KDM2A: variants seen among roughly 807,000 people sequenced by gnomAD.
The protein encoded by KDM2A is lysine-specific demethylase 2A.
A neutral mutation model predicts 137.3 loss-of-function variants in KDM2A; 3 were observed. The observed-to-expected ratio is 0.02, with a 90% CI of 0.01 to 0.06. The LOEUF (loss-of-function observed/expected upper bound fraction) is 0.06, where lower values mean the gene tolerates loss of function less well. KDM2A is among the 10% of genes least tolerant of loss of function. The pLI is 1.00. For missense variants in KDM2A, 738 were observed against 1,510.6 expected, an observed-to-expected ratio of 0.49 and a Z score of 8.48; for synonymous variants, 512 against 541.5, an observed-to-expected ratio of 0.95 and a Z score of 0.76.
chr11:67,199,301 AG>A, intron 5 of KDM2A, among the ~76,000 whole-genome samples: 1 of 152,348 alleles, frequency 6.6e-6, no homozygotes, highest in South Asian at 2.1e-4. Flanking sequence ...TTCAAGTGAA[AG>A]GAAGAGTCCC....
At chr11:67,213,251 T>C (rs1858048580) in intron 6 of KDM2A, among the ~76,000 whole-genome samples, 1 of 152,202 alleles carries the variant, frequency 6.6e-6, no homozygotes, top group Admixed American at 6.5e-5. Context: ...TAGATGTTGT[T>C]ACAAAGCTTA....
intron 2 of KDM2A, among the ~76,000 whole-genome samples, chr11:67,173,892 T>A (rs76284062): frequency 2.6e-5 from 4 of 151,856 alleles, no homozygotes; most frequent in Middle Eastern, 3.4e-3. Flanking sequence ...TTTTTTTTTT[T>A]TATAAGATAG....
chr11:67,209,029 C>T (rs1435318975), intron 6 of KDM2A, among the ~76,000 whole-genome samples: 36 of 151,476 alleles, frequency 2.4e-4, no homozygotes, highest in Admixed American at 2.4e-3. Context: ...TCTGCCTCCC[C>T]GGTTCAAGCA....
intron 12 of KDM2A, among the ~76,000 whole-genome samples, chr11:67,241,510 C>G (rs1407601898): frequency 6.6e-6 from 1 of 152,084 alleles, no homozygotes; most frequent in Non-Finnish European, 1.5e-5. Flanking sequence ...CATAAAAGTC[C>G]TGGTCTCCGG....
chr11:67,220,994 G>A (rs955790042), intron 10 of KDM2A, among the ~76,000 whole-genome samples: 69 of 147,560 alleles, frequency 4.7e-4, no homozygotes, highest in Non-Finnish European at 8.1e-4. Context: ...CTATTAATAC[G>A]TCAGCACATT....
intron 2 of KDM2A, among the ~76,000 whole-genome samples, chr11:67,177,190 C>T (rs780157673): frequency 2.0e-4 from 31 of 151,920 alleles, no homozygotes; most frequent in African/African-American, 2.4e-4. Flanking sequence ...CACTTGAACC[C>T]GGGAGGTGGA....
At chr11:67,168,510 T>A (rs1442658978) in intron 2 of KDM2A, among the ~76,000 whole-genome samples, 6 of 151,242 alleles carry the variant, frequency 4.0e-5, no homozygotes, top group Non-Finnish European at 5.9e-5. Context: ...CTGGCTATTT[T>A]TTCTATATTC....
intron 3 of KDM2A, 161 bp downstream of exon 3, chr11:67,180,378 A>G (rs970580997): frequency 3.0e-5 from 18 of 598,420 alleles, no homozygotes; most frequent in Middle Eastern, 4.6e-4. Flanking sequence ...CTTATCCCCC[A>G]GTCCTCCCAC....
chr11:67,134,767 A>G (rs187702136), intron 2 of KDM2A, among the ~76,000 whole-genome samples: 81 of 152,278 alleles, frequency 5.3e-4, no homozygotes, highest in Non-Finnish European at 9.1e-4. Flanking sequence ...AGCCTCTCAA[A>G]GTGCTGGGAT....
At chr11:67,204,133 G>T (rs185576399) in intron 5 of KDM2A, among the ~76,000 whole-genome samples, 2 of 152,066 alleles carry the variant, frequency 1.3e-5, no homozygotes, top group African/African-American at 4.8e-5. Flanking sequence ...GCATTTACTT[G>T]TTATTTCTTA....
intron 2 of KDM2A, among the ~76,000 whole-genome samples, chr11:67,170,841 T>A (rs1856867346): frequency 1.3e-5 from 2 of 152,138 alleles, no homozygotes; most frequent in Non-Finnish European, 2.9e-5. Flanking sequence ...TCCGGTTACC[T>A]TAAGAGACTG....
At chr11:67,253,314 T>G in intron 18 of KDM2A, 139 bp from the exon 19 acceptor site, 1 of 748,806 alleles carries the variant, frequency 1.3e-6, no homozygotes, top group Non-Finnish European at 2.2e-6. Flanking sequence ...TGGAAATCTT[T>G]GAGCTGGATG....
intron 5 of KDM2A, chr11:67,197,076 A>G (rs1017963926): frequency 6.6e-6 from 1 of 152,206 alleles, no homozygotes; most frequent in African/African-American, 2.4e-5. Flanking sequence ...GTAACCTTGT[A>G]TTTTCTAAAT....
intron 2 of KDM2A, among the ~76,000 whole-genome samples, chr11:67,133,139 G>T (rs1329914386): frequency 6.6e-6 from 1 of 152,162 alleles, no homozygotes; most frequent in African/African-American, 2.4e-5. Flanking sequence ...CACTCTTGTT[G>T]GCCAGGCTGG....
chr11:67,133,412 T>G (rs1483511471), intron 2 of KDM2A, among the ~76,000 whole-genome samples: 1 of 148,052 alleles, frequency 6.8e-6, no homozygotes, highest in Non-Finnish European at 1.5e-5. Flanking sequence ...TATTTTTATT[T>G]TTTGTTTTGA....
At chr11:67,184,215 C>T (rs989872624) in intron 5 of KDM2A, among the ~76,000 whole-genome samples, 3 of 151,844 alleles carry the variant, frequency 2.0e-5, no homozygotes, top group Non-Finnish European at 4.4e-5. Context: ...CTATTGTGGC[C>T]GGGTGCAGTG....
At chr11:67,231,998 A>G (rs2136426780) in intron 12 of KDM2A, 38 bp downstream of exon 12, 1 of 1,541,586 alleles carries the variant, frequency 6.5e-7, no homozygotes, top group Non-Finnish European at 8.7e-7. Context: ...CTACTGATCC[A>G]GCTATGGCAG....
chr11:67,229,174 T>C (rs1858636742), intron 11 of KDM2A, among the ~76,000 whole-genome samples: 2 of 152,224 alleles, frequency 1.3e-5, no homozygotes, highest in Admixed American at 6.5e-5. Flanking sequence ...ATAGGTATTA[T>C]TATCCTCATT....
At chr11:67,150,814 T>A (rs1590725692) in intron 2 of KDM2A, among the ~76,000 whole-genome samples, 1 of 151,210 alleles carries the variant, frequency 6.6e-6, no homozygotes. Flanking sequence ...AAAAATAAAA[T>A]TAAAATGCCA....
Sources: gnomAD v4.1 joint callset for allele counts (sites outside exome capture counted in the v4.1 genomes callset) on GRCh38, gnomAD v4.1.1 for gene constraint, MANE v1.5 for transcripts, NCBI Gene and HGNC (gene_info 2026-07-23, HGNC 2026-07-21) for gene names.